Variants in FBF1 observed in about 807,000 individuals in gnomAD.
FBF1 encodes fas-binding factor 1.
A neutral mutation model predicts 147.2 loss-of-function variants in FBF1; 119 were observed. The ratio of observed to expected loss-of-function variants is 0.81; its 90% CI spans 0.70 to 0.94. The LOEUF (loss-of-function observed/expected upper bound fraction) is 0.94, where lower values mean the gene tolerates loss of function less well. FBF1 is among the 40% of genes least tolerant of loss of function. The pLI is 0.00. For synonymous variants in FBF1, 601 were observed against 609.0 expected (o/e 0.99, Z 0.19); for missense variants, 1,449 against 1,500.8 (o/e 0.97, Z 0.57).
chr17:75,924,284 C>T lies in FBF1; in HGVS notation c.969-643G>A, dbSNP rs141289379. Reference sequence around the variant, plus strand: ...ACAACAGTTACTTCATTTGTTCGGCCGTGGCCTTCATCTGTCACTGACCAG... The same window carrying T: ...ACAACAGTTACTTCATTTGTTCGGCTGTGGCCTTCATCTGTCACTGACCAG... On this transcript the variant is annotated intron_variant, in intron 13 of 29. Coordinates refer to ENST00000636174, the MANE Select transcript of FBF1 (RefSeq NM_001319193.2). Among the ~76,000 whole-genome samples the T allele has an allele frequency of 4.3e-3, 649 of 152,244 alleles. 11 individuals are homozygous for T. Among genetic ancestry groups the T allele is most frequent in the Admixed American group, 0.033 (512 of 15,284 alleles).
intron 5 of FBF1, among the ~76,000 whole-genome samples, chr17:75,932,060 C>T (rs2065597812): frequency 6.6e-6 from 1 of 152,234 alleles, no homozygotes; most frequent in East Asian, 1.9e-4. Context: ...GTGCAGTTCT[C>T]TTTAACTTCC....
Position 75,910,803 on chromosome 17 carries a change from G to C in FBF1, c.3367C>G (p.Arg1123Gly). The C allele has an allele frequency of 6.2e-7, 1 of 1,607,718 alleles. No individual in the cohort carries two copies. The highest frequency in any genetic ancestry group is 1.3e-5 in the African/African-American group (1 of 74,916). ...AACTGTTCATTCTCCAAGAAGTCACGGTCCTGCAAGGCAGGTTTGGATGGG... is the reference window on the plus strand; with the variant it reads ...AACTGTTCATTCTCCAAGAAGTCACCGTCCTGCAAGGCAGGTTTGGATGGG... ...ALLRHMAEQD[R>G]DFLENEQFFL... The change falls in exon 30 of 30, where the codon CGT becomes GGT. Residue 1123 changes from arginine to glycine, a missense_variant. Arg to Gly is a moderately radical substitution (Grantham distance 125). Transcript: ENST00000636174. This position sits in a 1 kb window ranked among gnomAD's most constrained non-coding sequence, Gnocchi z 4.1.
rs907505619 is a variant in FBF1, at chr17:75,922,699, G to A, written c.1424+487C>T. On this transcript the variant is annotated intron_variant, in intron 14 of 29. Coordinates refer to ENST00000636174, the MANE Select transcript of FBF1 (RefSeq NM_001319193.2). This position sits in a 1 kb window ranked among gnomAD's most constrained non-coding sequence, Gnocchi z 5.0. ...GAGGTCACTCGCTATCCTGCCCCACGGATAAGGGCTTCTCCAAGAGGCGCC... is the reference window on the plus strand; with the variant it reads ...GAGGTCACTCGCTATCCTGCCCCACAGATAAGGGCTTCTCCAAGAGGCGCC... Among the ~76,000 whole-genome samples the A allele has an allele frequency of 3.9e-5, 6 of 152,156 alleles. No individual in the cohort carries two copies. The East Asian group carries it at 5.8e-4, about 15-fold the overall frequency.
Position 75,923,391 on chromosome 17 carries a change from T to G in FBF1, c.1219A>C (p.Arg407=), listed in dbSNP as rs748403752. The change falls in exon 14 of 30, where the codon AGG becomes CGG. Residue 407 remains arginine, a synonymous_variant. Coordinates refer to ENST00000636174, the MANE Select transcript of FBF1 (RefSeq NM_001319193.2). This position sits in a 1 kb window ranked among gnomAD's most constrained non-coding sequence, Gnocchi z 4.1. ...HSTPAGLPPS[R]AKPPTEGAGS... ...GCACCTTCAGTTGGTGGCTTTGCCC[T>G]GGAGGGGGGCAGCCCAGCTGGCGTG... is the stretch of plus-strand genomic sequence containing the variant. 1 of 1,607,174 alleles carries G rather than the reference T, an allele frequency of 6.2e-7. No individual in the cohort carries two copies. Among genetic ancestry groups the G allele is most frequent in the Non-Finnish European group, 8.5e-7 (1 of 1,177,270 alleles).
At chr17:75,917,034 TTTTAGTTTCACCA>T (rs1184685547) in intron 23 of FBF1, among the ~76,000 whole-genome samples, 1 of 152,098 alleles carries the variant, frequency 6.6e-6, no homozygotes, top group Non-Finnish European at 1.5e-5. Context: ...ATTTCTTTAT[TTTTAGTTTCACCA>T]TGTTGGCCAG....
chr17:75,937,558 C>T lies in FBF1; in HGVS notation c.31+8G>A. On this transcript the variant is annotated splice_region_variant and intron_variant, in intron 3 of 29. Coordinates refer to ENST00000636174, the MANE Select transcript of FBF1 (RefSeq NM_001319193.2). ...GGCTTAAGAGTAATGTTCCATCTCT[C>T]CACTCACCTTTACATCCTTTCTTGG... 3.1e-6 allele frequency: 5 copies of T among 1,613,856 alleles called. No individual in the cohort carries two copies. Among genetic ancestry groups the T allele is most frequent in the Non-Finnish European group, 4.2e-6 (5 of 1,179,820 alleles).
chr17:75,937,715 A>G (rs1296950363), intron 2 of FBF1, 122 bp from the exon 3 acceptor site: 1 of 988,652 alleles, frequency 1.0e-6, no homozygotes, highest in Non-Finnish European at 1.6e-6. Flanking sequence ...CACCAATGGC[A>G]TTTAGAGATG....
rs1323571573 is a variant in FBF1, at chr17:75,921,317, A to G, written c.1616-15T>C. 6.3e-7 allele frequency: 1 copy of G among 1,584,174 alleles called. No homozygotes were observed. Among genetic ancestry groups the G allele is most frequent in the Non-Finnish European group, 8.6e-7 (1 of 1,165,008 alleles). On this transcript the variant is annotated splice_polypyrimidine_tract_variant and intron_variant, in intron 16 of 29. Transcript: ENST00000636174. ...CGTGGCAGGCTCTGAAACATCAACA[A>G]CAGAGAAATGAACAGGAGGCCCAGG...
At chr17:75,930,195 G>C in intron 6 of FBF1, 148 bp from the exon 7 acceptor site, 1 of 627,060 alleles carries the variant, frequency 1.6e-6, no homozygotes, top group Non-Finnish European at 2.8e-6. Context: ...CAGGAGGGTG[G>C]CTTTGTTCCC....
At position 75,919,324 on chromosome 17, in the gene FBF1, C is replaced by T. The variant is rs749071654; in HGVS notation, c.2138+344G>A. Among the ~76,000 whole-genome samples the T allele has an allele frequency of 1.3e-5, 2 of 152,236 alleles. No individual in the cohort carries two copies. Among genetic ancestry groups the T allele is most frequent in the Admixed American group, 6.5e-5 (1 of 15,282 alleles). On this transcript the variant is annotated intron_variant, in intron 20 of 29. Coordinates refer to ENST00000636174, the MANE Select transcript of FBF1 (RefSeq NM_001319193.2). The surrounding 1 kb of genome is among the most constrained non-coding windows in gnomAD (Gnocchi z 5.0). ...CCTATAAACATGGCAGGCACAACAG[C>T]GCAAGCCTTTCCCAGGTGGATCTTG...
At chr17:75,933,783 C>T (rs1007567319) in intron 4 of FBF1, among the ~76,000 whole-genome samples, 2 of 152,154 alleles carry the variant, frequency 1.3e-5, no homozygotes, top group African/African-American at 4.8e-5. Context: ...CAAAGATATA[C>T]ACGTGGCCAA....
At position 75,914,169 on chromosome 17, in the gene FBF1, C is replaced by T; in HGVS notation, c.2944G>A (p.Ala982Thr). The T allele has an allele frequency of 1.3e-6, 2 of 1,599,122 alleles. No homozygotes were observed. The highest frequency in any genetic ancestry group is 1.7e-4 in the Middle Eastern group (1 of 6,050). The change falls in exon 26 of 30, where the codon GCC (alanine) becomes ACC (threonine). Residue 982 changes from alanine (A) to threonine (T), a missense_variant. By Grantham distance (58) the Ala-to-Thr change is moderately conservative. Coordinates refer to ENST00000636174, the MANE Select transcript of FBF1 (RefSeq NM_001319193.2). ...RLEKERINAT[A>T]LRVKLRAEEV... ...TCGGCGCGGAGCTTGACACGCAGGG[C>T]GGTGGCGTTGATCCTCTCCTTCTCC...
intron 28 of FBF1, among the ~76,000 whole-genome samples, chr17:75,912,513 T>G (rs2065462341): frequency 1.3e-5 from 2 of 152,208 alleles, no homozygotes; most frequent in Admixed American, 1.3e-4. Context: ...TTTATTCCAG[T>G]GAAATAATCA....
At chr17:75,939,034 A>C (rs1223191523) in intron 1 of FBF1, among the ~76,000 whole-genome samples, 2 of 151,850 alleles carry the variant, frequency 1.3e-5, no homozygotes, top group African/African-American at 4.8e-5. Context: ...GGTGGCTCAC[A>C]CCTGTTATCC....
intron 23 of FBF1, 44 bp downstream of exon 23, chr17:75,917,687 GC>G (rs771459729): frequency 6.6e-7 from 1 of 1,507,764 alleles, no homozygotes; most frequent in South Asian, 1.2e-5. Context: ...TGGAGAAGAG[GC>G]CCCGTGGCAG....
intron 2 of FBF1, 109 bp from the exon 3 acceptor site, chr17:75,937,702 G>A: frequency 1.9e-6 from 2 of 1,079,980 alleles, no homozygotes; most frequent in African/African-American, 1.5e-5. Context: ...CCAGAGGCAA[G>A]AGCACCAATG....
At position 75,918,096 on chromosome 17, in the gene FBF1, C is replaced by A. The variant is rs771296209; in HGVS notation, c.2247-26G>T. 1 of 1,606,128 alleles carries A rather than the reference C, an allele frequency of 6.2e-7. No individual in the cohort carries two copies. Among genetic ancestry groups the A allele is most frequent in the South Asian group, 1.1e-5 (1 of 90,340 alleles). ...CTGGAAGAAGACTGGGTCACCCCCTCCTGACGGTCTCGGGGACCTTCCGGC... is the reference window on the plus strand; with the variant it reads ...CTGGAAGAAGACTGGGTCACCCCCTACTGACGGTCTCGGGGACCTTCCGGC... On this transcript the variant is annotated intron_variant, in intron 21 of 29. Transcript: ENST00000636174. This position sits in a 1 kb window ranked among gnomAD's most constrained non-coding sequence, Gnocchi z 5.8.
In FBF1 at chr17:75,914,307, AGC is replaced by A; in HGVS notation, c.2815-11_2815-10del. On this transcript the variant is annotated splice_polypyrimidine_tract_variant and intron_variant, in intron 25 of 29. Transcript: ENST00000636174. ...TTCAGCTCAGCCTGCTCCTGGAGAC[AGC>A]GGAGGCCCTGCTGCATTCTCCTCCC... 6.3e-7 allele frequency: 1 copy of A among 1,585,440 alleles called. No homozygotes were observed. Among genetic ancestry groups the A allele is most frequent in the Admixed American group, 1.7e-5 (1 of 57,558 alleles).
In FBF1 at chr17:75,933,030, T is replaced by C. The variant is rs996816892; in HGVS notation, c.132A>G (p.Val44=). Residue 44 remains valine, a synonymous_variant, in exon 5 of 30, where the codon GTA becomes GTG. Coordinates refer to ENST00000636174, the MANE Select transcript of FBF1 (RefSeq NM_001319193.2). ...CCTTTGAAGAAGGGAACATCTGAGA[T>C]ACACCTGTGGTGTCTCTGGTATGTG... is the stretch of plus-strand genomic sequence containing the variant. ...LASHTRDTTG[V]SQMFPSSKAR... 1.6e-5 allele frequency: 25 copies of C among 1,606,520 alleles called. No individual in the cohort carries two copies. Among genetic ancestry groups the C allele is most frequent in the Non-Finnish European group, 2.0e-5 (24 of 1,174,066 alleles).
Sources: gnomAD v4.1 joint callset for allele counts (sites outside exome capture counted in the v4.1 genomes callset) on GRCh38, gnomAD v4.1.1 for gene constraint, Gnocchi (gnomAD v3.1) non-coding constraint, MANE v1.5 for transcripts, NCBI Gene and HGNC (gene_info 2026-07-23, HGNC 2026-07-21) for gene names.